The following TTC28 variants were observed in gnomAD, a reference collection of about 807,000 sequenced individuals.
TTC28 encodes tetratricopeptide repeat protein 28.
In TTC28, 61 loss-of-function variants were observed where a neutral mutation model predicts 198.0. The ratio of observed to expected loss-of-function variants is 0.31; its 90% CI spans 0.25 to 0.38. TTC28 has a LOEUF of 0.38. TTC28 is among the 10% of genes least tolerant of loss of function. TTC28 has a pLI of 1.00. For missense variants in TTC28, 2,678 were observed against 3,164.0 expected, an observed-to-expected ratio of 0.85 and a Z score of 3.69; for synonymous variants, 1,171 against 1,297.8, an observed-to-expected ratio of 0.90 and a Z score of 2.10.
In TTC28 at chr22:28,257,739, CATATATATATATATATATATATAT is replaced by C. The variant is rs66590909; in HGVS notation, c.933+38435_933+38458del. On this transcript the variant is annotated intron_variant, in intron 5 of 22. Transcript: ENST00000397906. The stretch of plus-strand genomic sequence containing the variant: ...TTACCATCTTTAGATGGTAATAGAA[CATATATATATATATATATATATAT>C]ATATATATATATATATATCTTCTAC... 8.0e-4 allele frequency among the ~76,000 whole-genome samples: 77 copies of C among 96,554 alleles called. 1 individual carries two copies. Among genetic ancestry groups the C allele is most frequent in the East Asian group, 3.5e-3 (10 of 2,852 alleles). 63.3% of individuals were successfully genotyped at this position (96,554 alleles called of 152,430 possible).
chr22:28,063,307 G>T (rs1192418129), intron 12 of TTC28, among the ~76,000 whole-genome samples: 1 of 152,146 alleles, frequency 6.6e-6, no homozygotes, highest in Non-Finnish European at 1.5e-5. Context: ...CCTGAATGCT[G>T]TCATCTGGTT....
intron 1 of TTC28, among the ~76,000 whole-genome samples, chr22:28,671,489 G>A (rs2051882704): frequency 6.6e-6 from 1 of 151,722 alleles, no homozygotes; most frequent in Admixed American, 6.6e-5. Flanking sequence ...CAAAAAATTA[G>A]CCAGGCGTGG....
chr22:28,128,323 AAC>A (rs1942969118), intron 6 of TTC28, among the ~76,000 whole-genome samples: 1 of 151,032 alleles, frequency 6.6e-6, no homozygotes, highest in African/African-American at 2.5e-5. Context: ...GTCTCAAAAA[AAC>A]AAAAAAAAAA....
intron 5 of TTC28, among the ~76,000 whole-genome samples, chr22:28,275,790 G>A (rs759639525): frequency 5.9e-5 from 9 of 151,642 alleles, no homozygotes; most frequent in South Asian, 2.1e-4. Context: ...TAACTATGCC[G>A]CCTACCCCTA....
At chr22:28,260,120 T>C (rs967468286) in intron 5 of TTC28, among the ~76,000 whole-genome samples, 3 of 152,150 alleles carry the variant, frequency 2.0e-5, no homozygotes, top group African/African-American at 7.2e-5. Flanking sequence ...TAGGAACTAG[T>C]GGAGCTTGTG....
chr22:28,209,866 TCTAA>T (rs1247964210), intron 5 of TTC28, among the ~76,000 whole-genome samples: 28 of 152,276 alleles, frequency 1.8e-4, no homozygotes, highest in African/African-American at 9.6e-5. Context: ...CCCTGAGTAG[TCTAA>T]CTGAGAGACA....
At chr22:28,121,129 C>A (rs1321719552) in intron 6 of TTC28, among the ~76,000 whole-genome samples, 7 of 152,166 alleles carry the variant, frequency 4.6e-5, no homozygotes, top group Admixed American at 4.6e-4. Context: ...CTCACTTATG[C>A]ACATCACAGA....
At chr22:28,410,799 GA>G (rs945202353) in intron 2 of TTC28, among the ~76,000 whole-genome samples, 8 of 151,914 alleles carry the variant, frequency 5.3e-5, no homozygotes, top group Non-Finnish European at 1.2e-4. Flanking sequence ...CCTAGAAATA[GA>G]AAAAAATAGT....
chr22:28,041,474 A>C (rs1436501602), intron 12 of TTC28, among the ~76,000 whole-genome samples: 5 of 152,118 alleles, frequency 3.3e-5, no homozygotes, highest in South Asian at 2.1e-4. Context: ...CAAAAACAAG[A>C]AATGGGGAAA....
At chr22:28,383,740 T>C (rs894000260) in intron 2 of TTC28, among the ~76,000 whole-genome samples, 3 of 152,170 alleles carry the variant, frequency 2.0e-5, no homozygotes, top group Non-Finnish European at 2.9e-5. Flanking sequence ...GTCCAAACCA[T>C]CATTTCTCTT....
At chr22:28,269,326 G>A (rs531345709) in intron 5 of TTC28, among the ~76,000 whole-genome samples, 2 of 152,100 alleles carry the variant, frequency 1.3e-5, no homozygotes, top group East Asian at 1.9e-4. Flanking sequence ...TGTGCCCAAC[G>A]AGAAACATTG....
At chr22:28,134,952 A>T (rs1281282895) in intron 6 of TTC28, among the ~76,000 whole-genome samples, 8 of 152,206 alleles carry the variant, frequency 5.3e-5, no homozygotes, top group Non-Finnish European at 1.2e-4. Context: ...TGTTTACTTT[A>T]AAATCTTTGT....
intron 5 of TTC28, among the ~76,000 whole-genome samples, chr22:28,216,676 C>G (rs940271964): frequency 1.3e-5 from 2 of 152,054 alleles, no homozygotes; most frequent in African/African-American, 4.8e-5. Context: ...CATTACTGAT[C>G]CTGAGGTCCT....
chr22:28,442,417 C>A (rs569208971), intron 2 of TTC28, among the ~76,000 whole-genome samples: 8 of 152,248 alleles, frequency 5.3e-5, no homozygotes, highest in Non-Finnish European at 1.0e-4. Context: ...TGCTCGCCCC[C>A]CAGCGGGGCC....
chr22:28,442,044 T>G (rs1350235456), intron 2 of TTC28, among the ~76,000 whole-genome samples: 2 of 152,000 alleles, frequency 1.3e-5, no homozygotes, highest in African/African-American at 4.8e-5. Flanking sequence ...CGTCCTAGGG[T>G]AGGGACCAGT....
intron 5 of TTC28, among the ~76,000 whole-genome samples, chr22:28,174,631 T>G (rs1305198248): frequency 6.6e-6 from 1 of 152,178 alleles, no homozygotes; most frequent in Non-Finnish European, 1.5e-5. Flanking sequence ...GAAGACTGTT[T>G]GAGCCCAGGA....
chr22:27,996,660 C>T (rs1051014636), intron 16 of TTC28, among the ~76,000 whole-genome samples: 5 of 151,488 alleles, frequency 3.3e-5, no homozygotes, highest in African/African-American at 7.3e-5. Context: ...AGGTGGGGAG[C>T]GGCTACTCCT....
At chr22:28,028,249 G>A (rs1395049224) in intron 13 of TTC28, among the ~76,000 whole-genome samples, 1 of 152,230 alleles carries the variant, frequency 6.6e-6, no homozygotes, top group Non-Finnish European at 1.5e-5. Context: ...GGGGCTGTGG[G>A]CCTTGCTGCT....
At chr22:28,205,223 G>C (rs934096647) in intron 5 of TTC28, among the ~76,000 whole-genome samples, 21 of 152,056 alleles carry the variant, frequency 1.4e-4, no homozygotes, top group Non-Finnish European at 1.9e-4. Context: ...CACACACACA[G>C]AGACCGGGGG....
Sources: allele counts gnomAD v4.1 joint callset (sites outside exome capture counted in the v4.1 genomes callset), GRCh38; gene constraint gnomAD v4.1.1; transcripts MANE v1.5; gene names NCBI Gene and HGNC (gene_info 2026-07-23, HGNC 2026-07-21).